TRPM3: variants seen among roughly 807,000 people sequenced by gnomAD.
TRPM3 encodes the protein transient receptor potential cation channel subfamily M member 3.
TRPM3 carries 77 observed loss-of-function variants against 181.2 expected under a neutral mutation model. The ratio of observed to expected loss-of-function variants is 0.42; its 90% CI spans 0.35 to 0.51. The LOEUF (loss-of-function observed/expected upper bound fraction) is 0.51, where lower values mean the gene tolerates loss of function less well. TRPM3 is among the 20% of genes least tolerant of loss of function. The pLI, the probability that TRPM3 is intolerant of heterozygous loss-of-function variation, is 0.01. For synonymous variants in TRPM3, 745 were observed against 796.4 expected (o/e 0.94, Z 1.09); for missense variants, 1,759 against 2,196.7 (o/e 0.80, Z 3.98).
At chr9:70,970,041 A>C (rs984117781) in intron 1 of TRPM3, among the ~76,000 whole-genome samples, 3 of 152,098 alleles carry the variant, frequency 2.0e-5, no homozygotes, top group Admixed American at 1.3e-4. Context: ...AGAAAGAACA[A>C]GAACTTTATC....
intron 1 of TRPM3, among the ~76,000 whole-genome samples, chr9:71,440,289 AT>A (rs2094118433): frequency 1.3e-5 from 2 of 152,206 alleles, no homozygotes. Flanking sequence ...ACAGACCAGG[AT>A]TCCAATCTAG....
At chr9:70,965,373 T>G (rs1269025209) in intron 1 of TRPM3, among the ~76,000 whole-genome samples, 1 of 152,096 alleles carries the variant, frequency 6.6e-6, no homozygotes, top group African/African-American at 2.4e-5. Context: ...CCCCCCCTTT[T>G]TGAACAAAAA....
In TRPM3 at chr9:71,084,992, G is replaced by A. The variant is rs142409447; in HGVS notation, c.177+36186C>T. Among the ~76,000 whole-genome samples the A allele has an allele frequency of 8.5e-5, 13 of 152,126 alleles. No individual in the cohort carries two copies. In the East Asian group the frequency reaches 2.3e-3, roughly 27 times the overall value. ...TAAAGCCACACACCTTTAGCCATCT[G>A]ATCATTGACAAAATCAACAAAAATA... On this transcript the variant is annotated intron_variant, in intron 1 of 25. Coordinates refer to ENST00000677713, the MANE Select transcript of TRPM3 (RefSeq NM_001366145.2).
At chr9:71,202,391 A>G (rs1587930246) in intron 1 of TRPM3, among the ~76,000 whole-genome samples, 1 of 152,050 alleles carries the variant, frequency 6.6e-6, no homozygotes. Flanking sequence ...AAGTCTGCAG[A>G]GGTTTACTGC....
At chr9:70,915,555 T>C (rs58327641) in intron 1 of TRPM3, among the ~76,000 whole-genome samples, 15,500 of 151,814 alleles carry the variant, frequency 0.1, 852 homozygotes, top group Middle Eastern at 0.14. Flanking sequence ...TCTGCCCGCC[T>C]TGGCCTCCCA....
intron 1 of TRPM3, among the ~76,000 whole-genome samples, chr9:71,199,515 G>T (rs1324040082): frequency 6.6e-6 from 1 of 151,920 alleles, no homozygotes; most frequent in East Asian, 1.9e-4. Flanking sequence ...GACTCTTTTT[G>T]GTTGGTAAGC....
At chr9:70,699,781 C>T (rs149889691) in intron 8 of TRPM3, among the ~76,000 whole-genome samples, 4 of 152,068 alleles carry the variant, frequency 2.6e-5, no homozygotes, top group African/African-American at 9.7e-5. Context: ...GAAGCTGCAC[C>T]AGGCTTGAGA....
chr9:71,187,557 T>C lies in TRPM3; in HGVS notation c.183+259096A>G, dbSNP rs2077748594. 2.0e-5 allele frequency among the ~76,000 whole-genome samples: 3 copies of C among 151,910 alleles called. No homozygotes were observed. In the South Asian group the frequency reaches 6.2e-4, roughly 31 times the overall value. On this transcript the variant is annotated intron_variant, in intron 1 of 24. Coordinates refer to the TRPM3 transcript ENST00000357533. Reference sequence around the variant, plus strand: ...AAAACTGGGATAGGACAATTGGCATTAACAAAACTGGAAAACAAAAAACCA... The same window carrying C: ...AAAACTGGGATAGGACAATTGGCATCAACAAAACTGGAAAACAAAAAACCA...
chr9:70,573,972 T>TCTCACA lies in TRPM3; in HGVS notation c.3223+17058_3223+17059insTGTGAG, dbSNP rs371401242. On this transcript the variant is annotated intron_variant, in intron 22 of 25. Transcript: ENST00000677713. The stretch of plus-strand genomic sequence containing the variant: ...TGTAGCTTAAATCATGCAATTCATT[T>TCTCACA]CACACACACACACACACACACACAC... Among the ~76,000 whole-genome samples, 28 of 141,038 alleles carry TCTCACA rather than the reference T, an allele frequency of 2.0e-4. 1 individual carries two copies. Among genetic ancestry groups the TCTCACA allele is most frequent in the African/African-American group, 7.3e-4 (27 of 37,034 alleles). The allele number at this position is 141,038 out of a possible 152,430, so 92.5% of individuals were successfully genotyped here. A position where few individuals can be genotyped will look rare whatever the true frequency, so the allele number is the denominator to read the frequency against.
intron 1 of TRPM3, among the ~76,000 whole-genome samples, chr9:71,386,373 C>T (rs1448717326): frequency 1.3e-5 from 2 of 151,356 alleles, no homozygotes; most frequent in East Asian, 3.9e-4. Context: ...CACTTGAACC[C>T]GAGAAGTGGA....
At chr9:71,084,510 A>G (rs1041897993) in intron 1 of TRPM3, among the ~76,000 whole-genome samples, 2 of 152,058 alleles carry the variant, frequency 1.3e-5, no homozygotes, top group South Asian at 4.1e-4. Flanking sequence ...TCAAGAATGC[A>G]ATCTCATGTA....
intron 1 of TRPM3, among the ~76,000 whole-genome samples, chr9:71,153,014 C>T (rs973304100): frequency 3.3e-5 from 5 of 152,088 alleles, no homozygotes; most frequent in Non-Finnish European, 7.4e-5. Flanking sequence ...TGGCCAATGG[C>T]TGTCATGCCA....
At chr9:71,183,619 A>G (rs1357154428) in intron 1 of TRPM3, among the ~76,000 whole-genome samples, 1 of 152,114 alleles carries the variant, frequency 6.6e-6, no homozygotes, top group Non-Finnish European at 1.5e-5. Context: ...ATATGTATTA[A>G]AGATTATTTA....
intron 1 of TRPM3, among the ~76,000 whole-genome samples, chr9:70,883,002 T>G (rs1449793201): frequency 6.6e-6 from 1 of 152,222 alleles, no homozygotes; most frequent in African/African-American, 2.4e-5. Flanking sequence ...TCTGAACATA[T>G]GTGTTTCCTG....
At chr9:71,349,053 A>G (rs554212624) in intron 1 of TRPM3, among the ~76,000 whole-genome samples, 1 of 152,316 alleles carries the variant, frequency 6.6e-6, no homozygotes, top group South Asian at 2.1e-4. Flanking sequence ...CTTCAAGTAC[A>G]CTGTATGCTC....
intron 1 of TRPM3, among the ~76,000 whole-genome samples, chr9:71,042,056 C>T (rs997477939): frequency 1.3e-5 from 2 of 152,120 alleles, no homozygotes; most frequent in Non-Finnish European, 2.9e-5. Flanking sequence ...ATCCATCTTC[C>T]ATGCGAGAGA....
At position 71,282,419 on chromosome 9, in the gene TRPM3, A is replaced by C. The variant is rs1046635469; in HGVS notation, c.183+164234T>G. On this transcript the variant is annotated intron_variant, in intron 1 of 24. Coordinates refer to the TRPM3 transcript ENST00000357533. ...AAGAAAGGAAAAGAAAGAAAAAGAAAAAGAAAGAAAAAAAGAAAGAGAAAA... is the reference window on the plus strand; with the variant it reads ...AAGAAAGGAAAAGAAAGAAAAAGAACAAGAAAGAAAAAAAGAAAGAGAAAA... Among the ~76,000 whole-genome samples, 4 of 105,256 alleles carry C rather than the reference A, an allele frequency of 3.8e-5. 1 individual carries two copies. Among genetic ancestry groups the C allele is most frequent in the Non-Finnish European group, 8.1e-5 (4 of 49,306 alleles). 69.1% of individuals were successfully genotyped at this position (105,256 alleles called of 152,430 possible).
chr9:70,625,664 A>G lies in TRPM3; in HGVS notation c.1633-147T>C, dbSNP rs116336047. ...CACAAGGCTAGACAGGGCAAATGCTATCACTCCCAGGCACTAGGAACTAGG... is the reference window on the plus strand; with the variant it reads ...CACAAGGCTAGACAGGGCAAATGCTGTCACTCCCAGGCACTAGGAACTAGG... On this transcript the variant is annotated intron_variant, in intron 12 of 25. Transcript: ENST00000677713. This position sits in a 1 kb window ranked among gnomAD's most constrained non-coding sequence, Gnocchi z 4.8. The G allele has an allele frequency of 1.1e-3, 833 of 776,764 alleles. 4 individuals are homozygous for G. The African/African-American group carries it at 0.013, about 12-fold the overall frequency. 48.1% of individuals were successfully genotyped at this position (776,764 alleles called of 1,614,324 possible). A position where few individuals can be genotyped will look rare whatever the true frequency, so the allele number is the denominator to read the frequency against.
chr9:70,966,673 T>C (rs557884471), intron 1 of TRPM3, among the ~76,000 whole-genome samples: 53 of 152,238 alleles, frequency 3.5e-4, no homozygotes, highest in African/African-American at 1.3e-3. Context: ...TTCTCACTTA[T>C]AAGTGGGAGC....
Sources: allele counts gnomAD v4.1 joint callset (sites outside exome capture counted in the v4.1 genomes callset), GRCh38; gene constraint gnomAD v4.1.1; non-coding constraint Gnocchi (gnomAD v3.1); transcripts MANE v1.5; gene names NCBI Gene and HGNC (gene_info 2026-07-23, HGNC 2026-07-21).